OSTN: variants seen among roughly 807,000 people sequenced by gnomAD.
OSTN encodes the protein osteocrin.
A neutral mutation model predicts 12.0 loss-of-function variants in OSTN; 9 were observed. That is an observed-to-expected ratio of 0.75 (90% confidence interval 0.45 to 1.30). OSTN has a LOEUF of 1.30. Ranked by LOEUF, OSTN falls within the 50% of genes most tolerant of loss-of-function variation. The pLI is 0.00. For missense variants in OSTN, 148 were observed against 152.3 expected (o/e 0.97, Z 0.15); for synonymous variants, 59 against 56.9 (o/e 1.04, Z -0.16).
At chr3:191,209,786 TG>T (rs1469459205) in intron 1 of OSTN, among the ~76,000 whole-genome samples, 2 of 152,216 alleles carry the variant, frequency 1.3e-5, no homozygotes, top group Admixed American at 1.3e-4. Context: ...TTTTTGTTGT[TG>T]TTTTTTTAGG....
At chr3:191,224,103 C>T (rs898967636) in intron 3 of OSTN, among the ~76,000 whole-genome samples, 2 of 152,082 alleles carry the variant, frequency 1.3e-5, no homozygotes, top group Middle Eastern at 3.2e-3. Context: ...TAAGGCCGGG[C>T]ACCATGACTC....
chr3:191,205,949 C>CTG (rs1349235931), intron 1 of OSTN, among the ~76,000 whole-genome samples: 1 of 152,122 alleles, frequency 6.6e-6, no homozygotes, highest in Non-Finnish European at 1.5e-5. Flanking sequence ...CTTTGGGAGG[C>CTG]TGAGGCGAGT....
rs1305789120 is a variant in OSTN at position 191,263,912 on chromosome 3, A to T, written c.*1059A>T. 6.6e-6 allele frequency: 1 copy of T among 151,794 alleles called. No individual in the cohort carries two copies. Among genetic ancestry groups the T allele is most frequent in the Non-Finnish European group, 1.5e-5 (1 of 67,876 alleles). 9.4% of individuals were successfully genotyped at this position (151,794 alleles called of 1,614,324 possible). On this transcript the variant is annotated 3_prime_UTR_variant, in exon 5 of 5. Coordinates refer to ENST00000682035, the MANE Select transcript of OSTN (RefSeq NM_198184.2). ...TATGATGTTACTGTAGCTTGGACAC[A>T]TAGGTCCATTGTGCATTGGATATAC...
chr3:191,240,273 T>C (rs1715288772), intron 3 of OSTN, among the ~76,000 whole-genome samples: 1 of 152,236 alleles, frequency 6.6e-6, no homozygotes. Flanking sequence ...TGTTCTCACA[T>C]GTCAGTCCTT....
intron 3 of OSTN, among the ~76,000 whole-genome samples, chr3:191,235,125 C>T (rs1715158422): frequency 6.6e-6 from 1 of 152,200 alleles, no homozygotes; most frequent in Non-Finnish European, 1.5e-5. Context: ...CCCATGCATT[C>T]CAACCCACTC....
chr3:191,222,081 A>G (rs554739947), intron 3 of OSTN, among the ~76,000 whole-genome samples: 19 of 152,320 alleles, frequency 1.2e-4, no homozygotes, highest in Non-Finnish European at 2.1e-4. Context: ...GCCAACTTCC[A>G]CCTAGATTTT....
At chr3:191,233,124 C>A (rs1385687539) in intron 3 of OSTN, among the ~76,000 whole-genome samples, 5 of 151,770 alleles carry the variant, frequency 3.3e-5, no homozygotes, top group African/African-American at 9.7e-5. Flanking sequence ...AAAGGTCCAC[C>A]AGGAGATGGA....
chr3:191,210,709 C>G (rs1469195797), intron 1 of OSTN, among the ~76,000 whole-genome samples: 2 of 152,178 alleles, frequency 1.3e-5, no homozygotes, highest in African/African-American at 4.8e-5. Context: ...AGCAGGTTTT[C>G]CAAATGACTT....
intron 3 of OSTN, among the ~76,000 whole-genome samples, chr3:191,230,809 G>A: frequency 6.6e-6 from 1 of 152,142 alleles, no homozygotes; most frequent in East Asian, 1.9e-4. Context: ...ATCCAATGCT[G>A]TATAAAGCAA....
intron 3 of OSTN, among the ~76,000 whole-genome samples, chr3:191,238,243 A>G (rs1715240729): frequency 6.6e-6 from 1 of 152,090 alleles, no homozygotes; most frequent in Non-Finnish European, 1.5e-5. Context: ...CCAAAGTTGA[A>G]GATACTTGCG....
At chr3:191,260,400 C>T (rs532987912) in intron 4 of OSTN, among the ~76,000 whole-genome samples, 2 of 152,064 alleles carry the variant, frequency 1.3e-5, no homozygotes, top group East Asian at 1.9e-4. Context: ...ATCTCACTCC[C>T]GGAAACAGGC....
chr3:191,230,205 A>G (rs1200531847), intron 3 of OSTN, among the ~76,000 whole-genome samples: 5 of 152,118 alleles, frequency 3.3e-5, no homozygotes, highest in Admixed American at 6.5e-5. Flanking sequence ...CCTTTCTGAC[A>G]GGTTAAGTGG....
chr3:191,200,882 T>C (rs76797807), intron 1 of OSTN, among the ~76,000 whole-genome samples: 2,390 of 152,254 alleles, frequency 0.016, 63 homozygotes, highest in African/African-American at 0.05. Context: ...ATACAAGCTT[T>C]GGAGGCAGAA....
At chr3:191,233,225 T>C (rs898760899) in intron 3 of OSTN, among the ~76,000 whole-genome samples, 1 of 152,168 alleles carries the variant, frequency 6.6e-6, no homozygotes, top group African/African-American at 2.4e-5. Flanking sequence ...TCAGGTCATA[T>C]TAACTTGAAA....
At position 191,250,074 on chromosome 3, in the gene OSTN, C is replaced by T. The variant is rs1470640301; in HGVS notation, c.355C>T (p.Pro119Ser). Residue 119 changes from proline (P) to serine (S), a missense_variant, in exon 4 of 5, where the codon CCC (proline) becomes TCC (serine). Transcript: ENST00000682035. ...TCATCCAAAAAGGCGATTTGGTATC[C>T]CCATGGATCGGATTGGTAGAAACCG... Reference protein sequence around the residue: ...VDHPKRRFGIPMDRIGRNRLS... With the variant: ...VDHPKRRFGISMDRIGRNRLS... 1 of 1,613,600 alleles carries T rather than the reference C, an allele frequency of 6.2e-7. No homozygotes were observed. Among genetic ancestry groups the T allele is most frequent in the African/African-American group, 1.3e-5 (1 of 74,876 alleles).
intron 4 of OSTN, among the ~76,000 whole-genome samples, chr3:191,251,362 A>C (rs145902454): frequency 6.6e-6 from 1 of 152,332 alleles, no homozygotes; most frequent in East Asian, 1.9e-4. Context: ...AATAGGACTT[A>C]TAGAAGGTGC....
intron 4 of OSTN, among the ~76,000 whole-genome samples, chr3:191,251,269 A>C (rs1715556025): frequency 6.6e-6 from 1 of 152,212 alleles, no homozygotes; most frequent in East Asian, 1.9e-4. Flanking sequence ...GGGTATGTTA[A>C]ACACAGCATT....
Position 191,254,823 on chromosome 3 carries a change from G to A in OSTN, c.*12+4690G>A, listed in dbSNP as rs540052160. 9.0e-4 allele frequency among the ~76,000 whole-genome samples: 137 copies of A among 152,270 alleles called. 1 individual carries two copies. Among genetic ancestry groups the A allele is most frequent in the Non-Finnish European group, 1.5e-3 (103 of 68,018 alleles). Reference sequence around the variant, plus strand: ...AAGGTCTTTTTAAATTGGCTTTACTGAGACTTTCCTTATAAGGAATCTCAG... The same window carrying A: ...AAGGTCTTTTTAAATTGGCTTTACTAAGACTTTCCTTATAAGGAATCTCAG... On this transcript the variant is annotated intron_variant, in intron 4 of 4. Coordinates refer to ENST00000682035, the MANE Select transcript of OSTN (RefSeq NM_198184.2).
intron 1 of OSTN, among the ~76,000 whole-genome samples, chr3:191,201,841 T>C (rs1405495638): frequency 6.6e-6 from 1 of 152,178 alleles, no homozygotes; most frequent in Non-Finnish European, 1.5e-5. Flanking sequence ...TTTTGAAAAG[T>C]TGCCATATTT....
Sources: gnomAD v4.1 joint callset for allele counts (sites outside exome capture counted in the v4.1 genomes callset) on GRCh38, gnomAD v4.1.1 for gene constraint, MANE v1.5 for transcripts, NCBI Gene and HGNC (gene_info 2026-07-23, HGNC 2026-07-21) for gene names.